The following ZFPM1 variants were observed in gnomAD, a reference collection of about 807,000 sequenced individuals.
The protein encoded by ZFPM1 is zinc finger protein, FOG family member 1.
Under a neutral mutation model 46.3 loss-of-function variants are expected in ZFPM1, and 28 were observed. That is an observed-to-expected ratio of 0.60 (90% CI 0.45 to 0.83). The LOEUF is 0.83. ZFPM1 is among the 40% of genes least tolerant of loss of function. The pLI is 0.00. For synonymous variants in ZFPM1, 957 were observed against 675.9 expected (o/e 1.42, Z -6.45); for missense variants, 1,878 against 1,432.4 (o/e 1.31, Z -5.02).
intron 1 of ZFPM1, among the ~76,000 whole-genome samples, chr16:88,484,642 T>C (rs1909118421): frequency 6.6e-6 from 1 of 152,106 alleles, no homozygotes. Context: ...TCAGGCCTTG[T>C]GGAGTATGGG....
chr16:88,492,498 GT>G (rs1210422648), intron 3 of ZFPM1, among the ~76,000 whole-genome samples: 1 of 152,226 alleles, frequency 6.6e-6, no homozygotes, highest in East Asian at 1.9e-4. Flanking sequence ...TGGGCCCTGA[GT>G]CTGTTTCCCA....
At chr16:88,478,081 G>A (rs1326550852) in intron 1 of ZFPM1, among the ~76,000 whole-genome samples, 2 of 152,092 alleles carry the variant, frequency 1.3e-5, no homozygotes, top group African/African-American at 2.4e-5. Flanking sequence ...TGGTGGAGCC[G>A]CTCAACCGCC....
chr16:88,453,016 C>T (rs1907344695), upstream of ZFPM1, among the ~76,000 whole-genome samples: 1 of 151,410 alleles, frequency 6.6e-6, no homozygotes, highest in African/African-American at 2.4e-5. Context: ...CCTTGAAGGC[C>T]CAGACGGACA....
chr16:88,534,383 C>T lies in ZFPM1; in HGVS notation c.2425C>T (p.Pro809Ser). ...KKPRRPLPGA[P>S]APALADYHEC... ...GCCGCGGCGCCCGCTCCCCGGAGCC[C>T]CGGCACCGGCGCTGGCCGACTACCA... is the stretch of plus-strand genomic sequence containing the variant. The change falls in exon 10 of 10, where the codon CCG (proline) becomes TCG (serine). Residue 809 changes from proline (P) to serine (S), a missense_variant. Pro to Ser is a moderately conservative substitution (Grantham distance 74). Coordinates refer to ENST00000319555, the MANE Select transcript of ZFPM1 (RefSeq NM_153813.3). 6.8e-7 allele frequency: 1 copy of T among 1,459,982 alleles called. No individual in the cohort carries two copies. 90.4% of individuals were successfully genotyped at this position (1,459,982 alleles called of 1,614,324 possible). A position where few individuals can be genotyped will look rare whatever the true frequency, so the allele number is the denominator to read the frequency against.
At chr16:88,454,628 G>A (rs1777575484) in intron 1 of ZFPM1, among the ~76,000 whole-genome samples, 1 of 152,276 alleles carries the variant, frequency 6.6e-6, no homozygotes, top group Non-Finnish European at 1.5e-5. Context: ...GAACTAAGCT[G>A]TCGGGGCCAC....
intron 1 of ZFPM1, 110 bp downstream of exon 1, chr16:88,453,788 T>A: frequency 1.7e-6 from 1 of 600,446 alleles, no homozygotes; most frequent in Non-Finnish European, 2.1e-6. Flanking sequence ...CCGGCGACCT[T>A]CACCCCGCGC....
intron 1 of ZFPM1, among the ~76,000 whole-genome samples, chr16:88,461,183 C>CGGGGCGGGAGACCTGGTGAGGACCGA (rs1907857222): frequency 2.9e-5 from 1 of 34,724 alleles, no homozygotes; most frequent in Non-Finnish European, 4.9e-5. Context: ...GACCGAGGGG[C>CGGGGCGGGAGACCTGGTGAGGACCGA]GGGGCGGGAG....
At chr16:88,473,551 CG>C (rs1430321385) in intron 1 of ZFPM1, among the ~76,000 whole-genome samples, 1 of 152,164 alleles carries the variant, frequency 6.6e-6, no homozygotes, top group Non-Finnish European at 1.5e-5. Context: ...CTCCCATGGC[CG>C]GGCCCATCCT....
intron 3 of ZFPM1, among the ~76,000 whole-genome samples, chr16:88,502,900 G>A (rs1254406856): frequency 1.3e-5 from 2 of 152,256 alleles, no homozygotes; most frequent in Non-Finnish European, 2.9e-5. Flanking sequence ...CACGGTGGCC[G>A]GACGGCAGAT....
At chr16:88,473,707 A>T (rs1908533497) in intron 1 of ZFPM1, among the ~76,000 whole-genome samples, 1 of 151,930 alleles carries the variant, frequency 6.6e-6, no homozygotes, top group Admixed American at 6.5e-5. Flanking sequence ...TCCCCAGCCC[A>T]GATTCTCGGG....
At chr16:88,507,729 GC>G (rs1910738061) in intron 3 of ZFPM1, among the ~76,000 whole-genome samples, 1 of 152,144 alleles carries the variant, frequency 6.6e-6, no homozygotes, top group South Asian at 2.1e-4. Flanking sequence ...TGTGGGAAAG[GC>G]CCCCTGCAGA....
chr16:88,532,871 G>T lies in ZFPM1; in HGVS notation c.1125G>T (p.Gln375His). The T allele has an allele frequency of 6.2e-7, 1 of 1,613,394 alleles. No homozygotes were observed. Among genetic ancestry groups the T allele is most frequent in the South Asian group, 1.1e-5 (1 of 91,090 alleles). ...TGGTCACCAACCACATGGTCTGCCA[G>T]CCTGGCTCCAAGGGTGAGATCTACT... Reference protein sequence around the residue: ...SHLVTNHMVCQPGSKGEIYSP... With the variant: ...SHLVTNHMVCHPGSKGEIYSP... The change falls in exon 9 of 10, where the codon CAG becomes CAT. Residue 375 changes from glutamine to histidine, a missense_variant. Physicochemically the swap from Gln to His is conservative, Grantham distance 24. Coordinates refer to ENST00000319555, the MANE Select transcript of ZFPM1 (RefSeq NM_153813.3).
At chr16:88,484,452 G>T (rs752971020) in intron 1 of ZFPM1, among the ~76,000 whole-genome samples, 5 of 152,302 alleles carry the variant, frequency 3.3e-5, no homozygotes, top group Non-Finnish European at 7.4e-5. Flanking sequence ...CCTGACACGT[G>T]AACTCAGACA....
chr16:88,534,631 G>C lies in ZFPM1; in HGVS notation c.2673G>C (p.Glu891Asp). The C allele has an allele frequency of 9.2e-7, 1 of 1,086,812 alleles. No individual in the cohort carries two copies. The highest frequency in any genetic ancestry group is 1.1e-6 in the Non-Finnish European group (1 of 896,856). The allele number at this position is 1,086,812 out of a possible 1,614,324, so 67.3% of individuals were successfully genotyped here. A position where few individuals can be genotyped will look rare whatever the true frequency, so the allele number is the denominator to read the frequency against. ...LGAPLAGPGV[E>D]ARTPADRGPS... is the part of the protein sequence containing the mutation. ...CGCCCCTGGCCGGCCCGGGGGTCGA[G>C]GCCCGGACGCCGGCCGACCGCGGCC... The change falls in exon 10 of 10, where the codon GAG becomes GAC. Residue 891 changes from glutamate (E) to aspartate (D), a missense_variant. Glu to Asp is a conservative substitution (Grantham distance 45, BLOSUM62 2). Coordinates refer to ENST00000319555, the MANE Select transcript of ZFPM1 (RefSeq NM_153813.3).
Position 88,471,797 on chromosome 16 carries a change from G to A in ZFPM1, c.41-14142G>A, listed in dbSNP as rs1261885238. The stretch of plus-strand genomic sequence containing the variant: ...ACCTGAGCCTGTGACTAAGACTAAG[G>A]CTGTGTGTCCATCTCTGTGAAATCG... On this transcript the variant is annotated intron_variant, in intron 1 of 9. Transcript: ENST00000319555. This position sits in a 1 kb window ranked among gnomAD's most constrained non-coding sequence, Gnocchi z 4.1. Among the ~76,000 whole-genome samples the A allele has an allele frequency of 2.6e-5, 4 of 152,278 alleles. No individual in the cohort carries two copies. Among genetic ancestry groups the A allele is most frequent in the Non-Finnish European group, 5.9e-5 (4 of 68,050 alleles).
Position 88,532,134 on chromosome 16 carries a change from C to G in ZFPM1, c.845C>G (p.Pro282Arg), listed in dbSNP as rs764585226. The G allele has an allele frequency of 1.2e-6, 2 of 1,612,536 alleles. No individual in the cohort carries two copies. The highest frequency in any genetic ancestry group is 3.3e-5 in the Admixed American group (2 of 59,982). ...SPAAAATDEKPKETYPNERVC... is the reference protein window; with the variant it reads ...SPAAAATDEKRKETYPNERVC... ...GCCGCAGCCGCCACAGACGAGAAGC[C>G]CAAAGAGACCTACCCCAACGAGCGC... The change falls in exon 7 of 10, where the codon CCC becomes CGC. Residue 282 changes from proline (P) to arginine (R), a missense_variant. Transcript: ENST00000319555.
At chr16:88,498,041 CG>C (rs932794600) in intron 3 of ZFPM1, among the ~76,000 whole-genome samples, 87 of 152,290 alleles carry the variant, frequency 5.7e-4, no homozygotes, top group African/African-American at 2.1e-3. Context: ...GTGCTGCCCC[CG>C]ATAGCACTAT....
At chr16:88,519,582 G>A (rs952674945) in intron 4 of ZFPM1, among the ~76,000 whole-genome samples, 16 of 150,266 alleles carry the variant, frequency 1.1e-4, no homozygotes, top group African/African-American at 3.9e-4. Flanking sequence ...ATGAATGGGA[G>A]GGTGGGTGGA....
At chr16:88,490,148 G>C (rs946439346) in intron 3 of ZFPM1, among the ~76,000 whole-genome samples, 1 of 151,986 alleles carries the variant, frequency 6.6e-6, no homozygotes, top group African/African-American at 2.4e-5. Context: ...CCGCCTCCCA[G>C]GTTCACGCCA....
Sources: gnomAD v4.1 joint callset for allele counts (sites outside exome capture counted in the v4.1 genomes callset) on GRCh38, gnomAD v4.1.1 for gene constraint, Gnocchi (gnomAD v3.1) non-coding constraint, MANE v1.5 for transcripts, NCBI Gene and HGNC (gene_info 2026-07-23, HGNC 2026-07-21) for gene names.